Variants in MCTP1 observed in about 807,000 individuals in gnomAD.
MCTP1 encodes multiple C2 and transmembrane domain containing 1, also known as multiple C2 and transmembrane domain-containing protein 1.
A neutral mutation model predicts 120.6 loss-of-function variants in MCTP1; 69 were observed. The ratio of observed to expected loss-of-function variants is 0.57; its 90% CI spans 0.47 to 0.70. The LOEUF is 0.70. Among genes scored for constraint, MCTP1 ranks in the 30% least tolerant of loss-of-function variants. The pLI, the probability that MCTP1 is intolerant of heterozygous loss-of-function variation, is 0.00. For synonymous variants in MCTP1, 529 were observed against 493.1 expected, an observed-to-expected ratio of 1.07 and a Z score of -0.96; for missense variants, 1,203 against 1,248.8, an observed-to-expected ratio of 0.96 and a Z score of 0.55.
intron 11 of MCTP1, among the ~76,000 whole-genome samples, chr5:94,890,180 A>T (rs1450997157): frequency 6.6e-6 from 1 of 152,118 alleles, no homozygotes; most frequent in Admixed American, 6.5e-5. Flanking sequence ...AAAAAAAATT[A>T]AAATTCTGTA....
chr5:94,983,562 T>G (rs1441931789), intron 2 of MCTP1, among the ~76,000 whole-genome samples: 1 of 152,128 alleles, frequency 6.6e-6, no homozygotes, highest in African/African-American at 2.4e-5. Context: ...TCCTAACACT[T>G]TGGGAGGCCA....
rs187143274 is a variant in MCTP1, at chr5:94,777,310, G to T, written c.2610+1800C>A. On this transcript the variant is annotated intron_variant, in intron 19 of 22. Transcript: ENST00000515393. The stretch of plus-strand genomic sequence containing the variant: ...ATAGATGTTACTCCAGAGATTTGGT[G>T]TTGTTTCCCCCGGGCATGTTCCACT... 4.5e-4 allele frequency among the ~76,000 whole-genome samples: 69 copies of T among 152,276 alleles called. 1 individual carries two copies. Among genetic ancestry groups the T allele is most frequent in the Non-Finnish European group, 7.2e-4 (49 of 68,006 alleles).
Position 94,809,553 on chromosome 5 carries a change from G to A in MCTP1, c.2437-10421C>T, listed in dbSNP as rs17084087. On this transcript the variant is annotated intron_variant, in intron 17 of 22. Coordinates refer to ENST00000515393, the MANE Select transcript of MCTP1 (RefSeq NM_024717.7). ...TAGAAATTAGTCTGTTACCTTTGTA[G>A]TTTGTAATGCCTACCACGGTATCAA... Among the ~76,000 whole-genome samples the A allele has an allele frequency of 4.4e-3, 673 of 152,200 alleles. 21 individuals are homozygous for A. Among genetic ancestry groups the A allele is most frequent in the Admixed American group, 0.041 (621 of 15,276 alleles).
intron 1 of MCTP1, among the ~76,000 whole-genome samples, chr5:95,232,898 T>A (rs1755123599): frequency 6.6e-6 from 1 of 152,204 alleles, no homozygotes; most frequent in Non-Finnish European, 1.5e-5. Context: ...ATGTGGCCAG[T>A]GTACCTAAAG....
At chr5:94,981,033 TTAA>T (rs1235202826) in intron 2 of MCTP1, 1 of 151,968 alleles carries the variant, frequency 6.6e-6, no homozygotes, top group Non-Finnish European at 1.5e-5. Context: ...CTAAAAACAG[TTAA>T]TAAGTGTTTA....
chr5:95,245,394 T>A (rs1454566135), intron 1 of MCTP1, among the ~76,000 whole-genome samples: 1 of 152,176 alleles, frequency 6.6e-6, no homozygotes, highest in Non-Finnish European at 1.5e-5. Context: ...TAAAGGCGCA[T>A]GTTCTAACCC....
chr5:95,050,561 T>A (rs1745630203), intron 1 of MCTP1, among the ~76,000 whole-genome samples: 1 of 152,184 alleles, frequency 6.6e-6, no homozygotes, highest in South Asian at 2.1e-4. Context: ...CCTGGGTGTA[T>A]AATGCAATTT....
chr5:94,831,154 T>C lies in MCTP1; in HGVS notation c.2437-32022A>G, dbSNP rs377326604. ...ACTCAACACCAATATTAGTAAAACA[T>C]GCCGCATTGCCAATAGATTGGAGAC... is the stretch of plus-strand genomic sequence containing the variant. On this transcript the variant is annotated intron_variant, in intron 17 of 22. Transcript: ENST00000515393. 4.5e-4 allele frequency among the ~76,000 whole-genome samples: 69 copies of C among 152,318 alleles called. No individual in the cohort carries two copies. The South Asian group carries it at 0.014, about 31-fold the overall frequency.
chr5:95,074,961 C>G (rs1582168728), intron 1 of MCTP1, among the ~76,000 whole-genome samples: 1 of 152,232 alleles, frequency 6.6e-6, no homozygotes, highest in East Asian at 1.9e-4. Flanking sequence ...CAGCTTGGCT[C>G]TGTCGGGAGC....
intron 17 of MCTP1, among the ~76,000 whole-genome samples, chr5:94,823,649 C>A (rs1379685009): frequency 2.0e-5 from 3 of 152,160 alleles, no homozygotes; most frequent in African/African-American, 7.2e-5. Flanking sequence ...TGGTCATTTT[C>A]ACAATATTGA....
At chr5:94,729,258 G>A (rs927204744) in intron 19 of MCTP1, among the ~76,000 whole-genome samples, 4 of 152,166 alleles carry the variant, frequency 2.6e-5, no homozygotes, top group Non-Finnish European at 5.9e-5. Flanking sequence ...CATGAGCAAC[G>A]CAGAAAGCCA....
At chr5:94,840,801 T>C (rs1039147780) in intron 17 of MCTP1, among the ~76,000 whole-genome samples, 1 of 152,236 alleles carries the variant, frequency 6.6e-6, no homozygotes, top group Admixed American at 6.5e-5. Context: ...CAATATCTCC[T>C]AATTTCTATA....
At chr5:95,209,144 A>G (rs1419813949) in intron 1 of MCTP1, among the ~76,000 whole-genome samples, 1 of 152,150 alleles carries the variant, frequency 6.6e-6, no homozygotes, top group African/African-American at 2.4e-5. Context: ...ATCATCCCCA[A>G]TTGTCTTCCA....
At chr5:95,197,172 G>C (rs532909864) in intron 1 of MCTP1, among the ~76,000 whole-genome samples, 157 of 151,854 alleles carry the variant, frequency 1.0e-3, no homozygotes, top group Non-Finnish European at 1.9e-3. Context: ...TTATCTACAG[G>C]GCTACAGTTT....
chr5:94,716,108 G>T (rs1179009058), intron 19 of MCTP1, among the ~76,000 whole-genome samples: 2 of 152,176 alleles, frequency 1.3e-5, no homozygotes, highest in African/African-American at 4.8e-5. Context: ...GGACAACAGG[G>T]TACACTGGGA....
At chr5:95,064,794 G>A (rs77681946) in intron 1 of MCTP1, among the ~76,000 whole-genome samples, 6,059 of 152,196 alleles carry the variant, frequency 0.04, 126 homozygotes, top group African/African-American at 0.058. Context: ...AGACCACTTG[G>A]AAGAAAATGA....
chr5:94,897,670 T>C (rs1020961183), intron 10 of MCTP1, among the ~76,000 whole-genome samples: 1 of 152,168 alleles, frequency 6.6e-6, no homozygotes, highest in Non-Finnish European at 1.5e-5. Context: ...CAGCCGACTT[T>C]TTCCCCCAAA....
At chr5:94,938,438 G>A (rs572990961) in intron 5 of MCTP1, among the ~76,000 whole-genome samples, 1 of 152,006 alleles carries the variant, frequency 6.6e-6, no homozygotes, top group South Asian at 2.1e-4. Flanking sequence ...TGTGTGTGTT[G>A]TCTCCTCTGC....
intron 1 of MCTP1, among the ~76,000 whole-genome samples, chr5:95,118,469 A>C (rs1427824866): frequency 6.6e-6 from 1 of 152,172 alleles, no homozygotes. Context: ...ACAGAAAGAA[A>C]AGAAGAAAGA....
Sources: gnomAD v4.1 joint callset for allele counts (sites outside exome capture counted in the v4.1 genomes callset) on GRCh38, gnomAD v4.1.1 for gene constraint, MANE v1.5 for transcripts, NCBI Gene and HGNC (gene_info 2026-07-23, HGNC 2026-07-21) for gene names.